TBC1D16: variants seen among roughly 807,000 people sequenced by gnomAD.
TBC1D16 encodes CTD-2529O21.1.
TBC1D16 carries 58 observed loss-of-function variants against 74.7 expected under a neutral mutation model. The observed-to-expected ratio is 0.78, with a 90% CI of 0.63 to 0.97. The LOEUF is 0.97. Among genes scored for constraint, TBC1D16 ranks in the 50% least tolerant of loss-of-function variants. TBC1D16 has a pLI of 0.00. For synonymous variants in TBC1D16, 493 were observed against 474.7 expected (o/e 1.04, Z -0.50); for missense variants, 1,014 against 1,079.5 (o/e 0.94, Z 0.85).
At chr17:79,970,808 A>G (rs2034058890) in intron 3 of TBC1D16, among the ~76,000 whole-genome samples, 1 of 144,742 alleles carries the variant, frequency 6.9e-6, no homozygotes, top group Admixed American at 6.9e-5. Flanking sequence ...AGCTAAGCAC[A>G]TCAGAGAAAG....
At chr17:79,947,378 C>T (rs2032631760) in intron 9 of TBC1D16, among the ~76,000 whole-genome samples, 1 of 152,196 alleles carries the variant, frequency 6.6e-6, no homozygotes, top group Admixed American at 6.5e-5. Flanking sequence ...GGAGCTTGGG[C>T]CAGGTTGTCA....
rs539690735 is a variant in TBC1D16 at position 79,985,642 on chromosome 17, C to T, written c.779+24518G>A. On this transcript the variant is annotated intron_variant, in intron 3 of 11. Transcript: ENST00000310924. This position sits in a 1 kb window ranked among gnomAD's most constrained non-coding sequence, Gnocchi z 4.9. ...GGTCCCCATCCGGTGGCAGCCATTC[C>T]GCATTGATCTCCATTTGCTTTTCAA... Among the ~76,000 whole-genome samples, 21 of 152,334 alleles carry T rather than the reference C, an allele frequency of 1.4e-4. No homozygotes were observed. Among genetic ancestry groups the T allele is most frequent in the Admixed American group, 1.3e-3 (20 of 15,310 alleles).
At chr17:79,949,128 G>T in intron 7 of TBC1D16, 122 bp from the exon 8 acceptor site, 1 of 1,284,142 alleles carries the variant, frequency 7.8e-7, no homozygotes, top group Non-Finnish European at 1.1e-6. Context: ...GAGCTGGGCG[G>T]CTGCTGCCGG....
At chr17:79,977,108 T>C (rs1203508792) in intron 3 of TBC1D16, among the ~76,000 whole-genome samples, 4 of 152,190 alleles carry the variant, frequency 2.6e-5, no homozygotes. Context: ...CAGTGATCCG[T>C]CCACCAGAAT....
chr17:80,010,823 C>T lies in TBC1D16; in HGVS notation c.182-66G>A, dbSNP rs540681545. 114 of 1,234,512 alleles carry T rather than the reference C, an allele frequency of 9.2e-5. No individual in the cohort carries two copies. The highest frequency in any genetic ancestry group is 6.6e-4 in the Admixed American group (19 of 28,958). 76.5% of individuals were successfully genotyped at this position (1,234,512 alleles called of 1,614,324 possible). A position where few individuals can be genotyped will look rare whatever the true frequency, so the allele number is the denominator to read the frequency against. On this transcript the variant is annotated intron_variant, in intron 2 of 11. Coordinates refer to ENST00000310924, the MANE Select transcript of TBC1D16 (RefSeq NM_019020.4). This position sits in a 1 kb window ranked among gnomAD's most constrained non-coding sequence, Gnocchi z 8.8. The stretch of plus-strand genomic sequence containing the variant: ...GCTGTGGATGAGGCCCTTGTGGTAC[C>T]TTTGGCGAGCTGCTCGGAGAGGCCA...
chr17:79,960,801 A>AAAAAAAAAAAAAAAAAC (rs2033570654), intron 3 of TBC1D16, among the ~76,000 whole-genome samples: 1 of 149,050 alleles, frequency 6.7e-6, no homozygotes, highest in Non-Finnish European at 1.5e-5. Context: ...AAAAAAAAAA[A>AAAAAAAAAAAAAAAAAC]AAAAAAAACG....
At position 79,933,432 on chromosome 17, in the gene TBC1D16, G is replaced by C. The variant is rs1019913488; in HGVS notation, c.*7427C>G. 1 of 152,218 alleles carries C rather than the reference G, an allele frequency of 6.6e-6. No homozygotes were observed. 9.4% of individuals were successfully genotyped at this position (152,218 alleles called of 1,614,324 possible). A position where few individuals can be genotyped will look rare whatever the true frequency, so the allele number is the denominator to read the frequency against. On this transcript the variant is annotated 3_prime_UTR_variant, in exon 12 of 12. Coordinates refer to ENST00000310924, the MANE Select transcript of TBC1D16 (RefSeq NM_019020.4). Reference sequence around the variant, plus strand: ...CAAAGGGTGTCCCGACGACGATAAAGAGCCAGGAGCAGAGAGCCCTGCATC... The same window carrying C: ...CAAAGGGTGTCCCGACGACGATAAACAGCCAGGAGCAGAGAGCCCTGCATC...
In TBC1D16 at chr17:79,986,565, C is replaced by A. The variant is rs1387098884; in HGVS notation, c.779+23595G>T. Among the ~76,000 whole-genome samples the A allele has an allele frequency of 6.6e-6, 1 of 152,216 alleles. No homozygotes were observed. Among genetic ancestry groups the A allele is most frequent in the Non-Finnish European group, 1.5e-5 (1 of 68,040 alleles). ...GCCAAAGAGAGACCACACGTGCCGCCCCCTGCCGAAGCCTGGCCTTTGAAG... is the reference window on the plus strand; with the variant it reads ...GCCAAAGAGAGACCACACGTGCCGCACCCTGCCGAAGCCTGGCCTTTGAAG... On this transcript the variant is annotated intron_variant, in intron 3 of 11. Coordinates refer to ENST00000310924, the MANE Select transcript of TBC1D16 (RefSeq NM_019020.4). The surrounding 1 kb of genome is among the most constrained non-coding windows in gnomAD (Gnocchi z 6.0).
rs561768026 is a variant in TBC1D16, at chr17:79,950,211, GT to G, written c.1257+199del. 2.8e-4 allele frequency among the ~76,000 whole-genome samples: 41 copies of G among 146,154 alleles called. No homozygotes were observed. Among genetic ancestry groups the G allele is most frequent in the Middle Eastern group, 3.6e-3 (1 of 280 alleles). ...ACCCTCGAGGGAGGTGTTGTGTTTT[GT>G]TTTTTTTTTTCAACGCAGCAGCTTT... is the stretch of plus-strand genomic sequence containing the variant. On this transcript the variant is annotated intron_variant, in intron 6 of 11. Coordinates refer to ENST00000310924, the MANE Select transcript of TBC1D16 (RefSeq NM_019020.4). The surrounding 1 kb of genome is among the most constrained non-coding windows in gnomAD (Gnocchi z 4.6).
intron 1 of TBC1D16, among the ~76,000 whole-genome samples, chr17:80,018,350 C>T (rs1305689710): frequency 6.7e-6 from 1 of 149,106 alleles, no homozygotes; most frequent in Non-Finnish European, 1.5e-5. Context: ...GGTGCAATCT[C>T]GGCTCACTGC....
chr17:79,945,129 T>C (rs1464645558), intron 9 of TBC1D16, 42 bp from the exon 10 acceptor site: 9 of 1,510,262 alleles, frequency 6.0e-6, no homozygotes, highest in Non-Finnish European at 7.1e-6. Context: ...TCCGGTCCCA[T>C]GCGGCCTGCT....
chr17:80,030,802 G>A (rs891797208), intron 1 of TBC1D16, among the ~76,000 whole-genome samples: 8 of 152,202 alleles, frequency 5.3e-5, no homozygotes, highest in South Asian at 4.2e-4. Flanking sequence ...GCCACGGGAC[G>A]CAGCCCACCA....
rs9891664 is a variant in TBC1D16, at chr17:79,988,239, G to T, written c.779+21921C>A. Among the ~76,000 whole-genome samples, 269 of 152,234 alleles carry T rather than the reference G, an allele frequency of 1.8e-3. 1 individual carries two copies. Among genetic ancestry groups the T allele is most frequent in the African/African-American group, 6.3e-3 (263 of 41,542 alleles). On this transcript the variant is annotated intron_variant, in intron 3 of 11. Coordinates refer to ENST00000310924, the MANE Select transcript of TBC1D16 (RefSeq NM_019020.4). This position sits in a 1 kb window ranked among gnomAD's most constrained non-coding sequence, Gnocchi z 5.7. ...CCACCAGCCAGGGCCGTGGCTCCTC[G>T]GCAAGTGGGCGTCCGCCGAGCCTTT...
In TBC1D16 at chr17:79,940,858, C is replaced by T. The variant is rs534526454; in HGVS notation, c.*1G>A. The stretch of plus-strand genomic sequence containing the variant: ...CCCCTGTCCGGTGTCGGGGGCCCGA[C>T]CTATCTGCGGAAGCCGAAGCCGTCC... On this transcript the variant is annotated 3_prime_UTR_variant, in exon 12 of 12. Transcript: ENST00000310924. The surrounding 1 kb of genome is among the most constrained non-coding windows in gnomAD (Gnocchi z 5.4). 278 of 1,537,436 alleles carry T rather than the reference C, an allele frequency of 1.8e-4. No individual in the cohort carries two copies. The South Asian group carries it at 3.1e-3, about 17-fold the overall frequency.
At chr17:80,018,599 A>G (rs2036181115) in intron 1 of TBC1D16, among the ~76,000 whole-genome samples, 1 of 145,202 alleles carries the variant, frequency 6.9e-6, no homozygotes, top group Non-Finnish European at 1.5e-5. Flanking sequence ...ATTATTAATG[A>G]AATCTTTTAC....
At chr17:80,025,589 G>A (rs4889945) in intron 1 of TBC1D16, among the ~76,000 whole-genome samples, 52,665 of 144,092 alleles carry the variant, frequency 0.37, 10,953 homozygotes, top group Middle Eastern at 0.54. Flanking sequence ...GCCGCCTGCT[G>A]GGAGCACCTC....
In TBC1D16 at chr17:79,971,147, T is replaced by C. The variant is rs1321406594; in HGVS notation, c.780-18329A>G. ...AAGGCATTCTCCTGCCTCAGCCTCC[T>C]GAGTAGCTGGGATTACAGGCGTGCA... On this transcript the variant is annotated intron_variant, in intron 3 of 11. Transcript: ENST00000310924. This position sits in a 1 kb window ranked among gnomAD's most constrained non-coding sequence, Gnocchi z 4.6. Among the ~76,000 whole-genome samples, 1 of 152,024 alleles carries C rather than the reference T, an allele frequency of 6.6e-6. No homozygotes were observed. The highest frequency in any genetic ancestry group is 1.5e-5 in the Non-Finnish European group (1 of 68,010).
intron 3 of TBC1D16, among the ~76,000 whole-genome samples, chr17:79,998,125 C>CAAAAAAAAAAAAAAAAAA (rs901486919): frequency 1.9e-5 from 1 of 51,984 alleles, no homozygotes; most frequent in African/African-American, 6.2e-5. Context: ...AACTCTGTCT[C>CAAAAAAAAAAAAAAAAAA]AAAAAAAAAA....
intron 1 of TBC1D16, among the ~76,000 whole-genome samples, chr17:80,027,614 C>T (rs1353197334): frequency 1.3e-5 from 2 of 151,118 alleles, no homozygotes; most frequent in Non-Finnish European, 3.0e-5. Flanking sequence ...AAAAAGAGGC[C>T]GGGTGCAGTA....
Sources: allele counts gnomAD v4.1 joint callset (sites outside exome capture counted in the v4.1 genomes callset), GRCh38; gene constraint gnomAD v4.1.1; non-coding constraint Gnocchi (gnomAD v3.1); transcripts MANE v1.5; gene names NCBI Gene and HGNC (gene_info 2026-07-23, HGNC 2026-07-21).